The following TRAPPC13 variants were observed in gnomAD, a reference collection of about 807,000 sequenced individuals.
The protein encoded by TRAPPC13 is REV7-interacting novel NHEJ regulator 1.
In TRAPPC13, 39 loss-of-function variants were observed where a neutral mutation model predicts 54.0. The ratio of observed to expected loss-of-function variants is 0.72; its 90% confidence interval spans 0.56 to 0.94. The LOEUF (loss-of-function observed/expected upper bound fraction) is 0.94. Ranked by LOEUF, TRAPPC13 falls within the 40% of genes least tolerant of loss-of-function variation. The pLI is 0.00. For missense variants in TRAPPC13, 386 were observed against 488.1 expected, an observed-to-expected ratio of 0.79 and a Z score of 1.97; for synonymous variants, 148 against 167.7, an observed-to-expected ratio of 0.88 and a Z score of 0.91.
intron 4 of TRAPPC13, among the ~76,000 whole-genome samples, chr5:65,643,956 A>G (rs968473630): frequency 6.6e-6 from 1 of 152,058 alleles, no homozygotes; most frequent in African/African-American, 2.4e-5. Context: ...TCTTGTGGGT[A>G]CAATATTCTC....
chr5:65,631,979 T>C (rs1280341608), intron 1 of TRAPPC13, among the ~76,000 whole-genome samples: 1 of 151,998 alleles, frequency 6.6e-6, no homozygotes, highest in African/African-American at 2.4e-5. Context: ...TCAGATTTGT[T>C]TTCTAATGAA....
chr5:65,652,661 T>C lies in TRAPPC13; in HGVS notation c.546+116T>C, dbSNP rs144870180. 2.7e-3 allele frequency: 2,156 copies of C among 794,936 alleles called. 30 individuals carry two copies. In the African/African-American group the frequency reaches 0.033, roughly 12 times the overall value. The allele number at this position is 794,936 out of a possible 1,614,324, so 49.2% of individuals were successfully genotyped here. On this transcript the variant is annotated intron_variant, in intron 7 of 12. Coordinates refer to ENST00000399438, the MANE Select transcript of TRAPPC13 (RefSeq NM_024941.4). Reference sequence around the variant, plus strand: ...AAATCGCCAACGTGACTGTAAATTATTTGAAAAAATCACAAATTTCAGTTA... The same window carrying C: ...AAATCGCCAACGTGACTGTAAATTACTTGAAAAAATCACAAATTTCAGTTA...
chr5:65,658,581 T>G (rs1388113252), intron 9 of TRAPPC13, 80 bp downstream of exon 9: 5 of 1,181,662 alleles, frequency 4.2e-6, no homozygotes, highest in East Asian at 6.0e-5. Context: ...CTTCAGTGGG[T>G]TTTTTTTTAA....
chr5:65,630,181 A>T (rs1755469454), intron 1 of TRAPPC13: 1 of 1,535,934 alleles, frequency 6.5e-7, no homozygotes, highest in Non-Finnish European at 8.7e-7. Flanking sequence ...ATGAACTTCC[A>T]TCTTGTAATG....
At chr5:65,650,704 C>A in intron 5 of TRAPPC13, 106 bp from the exon 6 acceptor site, 1 of 821,638 alleles carries the variant, frequency 1.2e-6, no homozygotes, top group Non-Finnish European at 2.0e-6. Flanking sequence ...ACATCCACAC[C>A]ATAGATATAA....
At chr5:65,651,868 T>G (rs1054976620) in intron 6 of TRAPPC13, among the ~76,000 whole-genome samples, 10 of 124,426 alleles carry the variant, frequency 8.0e-5, no homozygotes, top group African/African-American at 2.6e-4. Context: ...TTTTTTTTTT[T>G]TTTTTTTTTT....
At chr5:65,652,260 C>G (rs1017412231) in intron 6 of TRAPPC13, among the ~76,000 whole-genome samples, 1 of 151,488 alleles carries the variant, frequency 6.6e-6, no homozygotes. Context: ...GGAGCAAAAA[C>G]CCATGTAATG....
At chr5:65,646,915 T>A in intron 4 of TRAPPC13, 140 bp from the exon 5 acceptor site, 1 of 772,306 alleles carries the variant, frequency 1.3e-6, no homozygotes, top group Non-Finnish European at 2.0e-6. Context: ...ACAGAAAGGT[T>A]TACACATAAA....
At chr5:65,625,418 A>C (rs1420666574) in intron 1 of TRAPPC13, 1 of 372,954 alleles carries the variant, frequency 2.7e-6, no homozygotes, top group Non-Finnish European at 4.8e-6. Context: ...GCGGGCATCC[A>C]AAGTGCTTTT....
chr5:65,659,070 G>A (rs1756757670), intron 9 of TRAPPC13, among the ~76,000 whole-genome samples: 1 of 152,102 alleles, frequency 6.6e-6, no homozygotes, highest in Admixed American at 6.6e-5. Flanking sequence ...AAATGATATT[G>A]ACACTGATTA....
chr5:65,630,237 T>C, intron 1 of TRAPPC13: 4 of 1,535,818 alleles, frequency 2.6e-6, no homozygotes, highest in South Asian at 1.2e-5. Flanking sequence ...TTCTGTGATA[T>C]TATGTATTGT....
At chr5:65,643,567 C>T (rs1039980886) in intron 4 of TRAPPC13, among the ~76,000 whole-genome samples, 12 of 151,750 alleles carry the variant, frequency 7.9e-5, no homozygotes, top group East Asian at 5.8e-4. Context: ...GCCTGTAATC[C>T]CAGCACTTTG....
chr5:65,653,069 G>A (rs1046087508), intron 7 of TRAPPC13, among the ~76,000 whole-genome samples: 4 of 133,294 alleles, frequency 3.0e-5, no homozygotes, highest in African/African-American at 1.1e-4. Context: ...AAAAAGAGAA[G>A]TAACTTATAA....
chr5:65,636,088 A>G (rs773957792), intron 3 of TRAPPC13, 45 bp downstream of exon 3: 1 of 1,307,116 alleles, frequency 7.7e-7, no homozygotes, highest in South Asian at 1.3e-5. Flanking sequence ...AAGCCATTAC[A>G]AATTATGTTT....
At chr5:65,628,593 T>C (rs983193399) in intron 1 of TRAPPC13, among the ~76,000 whole-genome samples, 5 of 151,758 alleles carry the variant, frequency 3.3e-5, no homozygotes, top group African/African-American at 1.2e-4. Context: ...TCCCTCAGCC[T>C]CCTGAGTAGC....
At position 65,650,032 on chromosome 5, in the gene TRAPPC13, ATT is replaced by A. The variant is rs773348697; in HGVS notation, c.429-772_429-771del. Among the ~76,000 whole-genome samples, 28 of 147,530 alleles carry A rather than the reference ATT, an allele frequency of 1.9e-4. 1 individual carries two copies. Among genetic ancestry groups the A allele is most frequent in the Admixed American group, 8.8e-4 (13 of 14,724 alleles). ...CCACCATGCCCAGCTGATTTTTTGT[ATT>A]TTTTTAGTAGAGACAGGGTTTCATC... On this transcript the variant is annotated intron_variant, in intron 5 of 12. Transcript: ENST00000399438.
chr5:65,632,666 T>C (rs2150664544), intron 1 of TRAPPC13, among the ~76,000 whole-genome samples: 1 of 152,352 alleles, frequency 6.6e-6, no homozygotes, highest in Admixed American at 6.5e-5. Context: ...GTTAATGTAA[T>C]ACCAACTTAG....
At position 65,651,842 on chromosome 5, in the gene TRAPPC13, G is replaced by GTTTTT. The variant is rs762929434; in HGVS notation, c.502-625_502-621dup. Among the ~76,000 whole-genome samples the GTTTTT allele has an allele frequency of 1.5e-4, 6 of 41,136 alleles. 2 individuals are homozygous for GTTTTT. Among genetic ancestry groups the GTTTTT allele is most frequent in the Admixed American group, 4.5e-4 (1 of 2,208 alleles). 27.0% of individuals were successfully genotyped at this position (41,136 alleles called of 152,430 possible). ...TTGAAAGAAAATAAAACGTGATTCA[G>GTTTTT]TTTTTTTTTTTTTTTTTTTTTTTTT... On this transcript the variant is annotated intron_variant, in intron 6 of 12. Transcript: ENST00000399438.
At chr5:65,657,571 AAAT>A (rs1339172690) in intron 8 of TRAPPC13, among the ~76,000 whole-genome samples, 1 of 152,236 alleles carries the variant, frequency 6.6e-6, no homozygotes, top group Non-Finnish European at 1.5e-5. Flanking sequence ...ACATGAAGGA[AAAT>A]AATAACCAAA....
Sources: gnomAD v4.1 joint callset for allele counts (sites outside exome capture counted in the v4.1 genomes callset) on GRCh38, gnomAD v4.1.1 for gene constraint, MANE v1.5 for transcripts, NCBI Gene and HGNC (gene_info 2026-07-23, HGNC 2026-07-21) for gene names.